Variants in ARHGAP6 observed in about 807,000 individuals in gnomAD.
The protein encoded by ARHGAP6 is rho GTPase-activating protein 6.
ARHGAP6 carries 16 observed loss-of-function variants against 55.7 expected under a neutral mutation model. The ratio of observed to expected loss-of-function variants is 0.29; its 90% CI spans 0.19 to 0.44. The LOEUF (loss-of-function observed/expected upper bound fraction) is 0.44, where lower values mean the gene tolerates loss of function less well. Among genes scored for constraint, ARHGAP6 ranks in the 20% least tolerant of loss-of-function variants. The probability of loss-of-function intolerance (pLI) is 1.00; values close to 1 mark genes in which losing one functional copy is unlikely to be tolerated. For missense variants in ARHGAP6, 698 were observed against 808.9 expected (o/e 0.86, Z 1.66); for synonymous variants, 382 against 360.9 (o/e 1.06, Z -0.66).
chrX:11,637,541 C>G (rs2052431709), intron 1 of ARHGAP6, among the ~76,000 whole-genome samples: 2 of 111,313 alleles, frequency 1.8e-5, no homozygotes, highest in African/African-American at 6.5e-5. Flanking sequence ...TATTTGCACT[C>G]CTATTCAAGA....
At chrX:11,287,355 G>C (rs1366534611) in intron 1 of ARHGAP6, among the ~76,000 whole-genome samples, 4 of 112,139 alleles carry the variant, frequency 3.6e-5, no homozygotes, top group African/African-American at 1.3e-4. Flanking sequence ...GCAAGTGGGT[G>C]AAGAGTGTCT....
intron 1 of ARHGAP6, among the ~76,000 whole-genome samples, chrX:11,358,404 C>T (rs1378633269): frequency 9.1e-6 from 1 of 109,396 alleles, no homozygotes; most frequent in Non-Finnish European, 1.9e-5. Flanking sequence ...GTTTCTGCGT[C>T]ATATGGTAGT....
chrX:11,209,063 C>G (rs1177218914), intron 2 of ARHGAP6, among the ~76,000 whole-genome samples: 1 of 111,717 alleles, frequency 9.0e-6, no homozygotes, highest in Non-Finnish European at 1.9e-5. Context: ...TTTATAATAC[C>G]CATGTAGAAT....
chrX:11,271,502 T>A (rs767450633), intron 1 of ARHGAP6, among the ~76,000 whole-genome samples: 1 of 106,582 alleles, frequency 9.4e-6, no homozygotes, highest in East Asian at 2.8e-4. Context: ...TCTTCTCTAA[T>A]GAGAAAGGAA....
At chrX:11,174,402 T>C (rs1386344882) in intron 8 of ARHGAP6, among the ~76,000 whole-genome samples, 1 of 111,622 alleles carries the variant, frequency 9.0e-6, no homozygotes, top group Non-Finnish European at 1.9e-5. Flanking sequence ...TTAGATGCCA[T>C]TGTATCCTGA....
intron 8 of ARHGAP6, among the ~76,000 whole-genome samples, chrX:11,170,760 A>G (rs1410998027): frequency 1.8e-5 from 2 of 111,346 alleles, no homozygotes; most frequent in African/African-American, 3.3e-5. Context: ...AAATGGAAGG[A>G]CAGTTAAGTG....
chrX:11,649,210 T>C (rs1468791332), intron 1 of ARHGAP6, among the ~76,000 whole-genome samples: 25 of 111,636 alleles, frequency 2.2e-4, no homozygotes, highest in Non-Finnish European at 7.5e-5. Flanking sequence ...AAGGGCCACA[T>C]GGAGGATCAC....
intron 10 of ARHGAP6, among the ~76,000 whole-genome samples, chrX:11,146,246 G>C (rs1169257228): frequency 8.9e-6 from 1 of 112,686 alleles, no homozygotes; most frequent in Non-Finnish European, 1.9e-5. Context: ...GGAAGTACCA[G>C]TGTAGTGTTC....
rs148473782 is a variant in ARHGAP6, at chrX:11,200,513, C to T, written c.749-3517G>A. 6.7e-3 allele frequency among the ~76,000 whole-genome samples: 753 copies of T among 112,583 alleles called. 2 individuals carry two copies. The highest frequency in any genetic ancestry group is 9.7e-3 in the Non-Finnish European group (518 of 53,302). On this transcript the variant is annotated intron_variant, in intron 2 of 12. Transcript: ENST00000337414. ...GGCATCCTCTTGGGAAAGACCAATA[C>T]CAAACAGTGTCTTCAGGACGGTCGA...
At chrX:11,389,448 G>C (rs192572836) in intron 1 of ARHGAP6, among the ~76,000 whole-genome samples, 2 of 112,291 alleles carry the variant, frequency 1.8e-5, no homozygotes, top group African/African-American at 6.5e-5. Flanking sequence ...AGAGATCAAG[G>C]ACTGGAGAAT....
chrX:11,453,507 G>A (rs1441708376), intron 1 of ARHGAP6, among the ~76,000 whole-genome samples: 1 of 108,680 alleles, frequency 9.2e-6, no homozygotes, highest in Non-Finnish European at 1.9e-5. Flanking sequence ...GTTTAAGGAT[G>A]GTGATGGGAG....
At chrX:11,292,117 G>C (rs371209107) in intron 1 of ARHGAP6, among the ~76,000 whole-genome samples, 4 of 111,684 alleles carry the variant, frequency 3.6e-5, no homozygotes, top group African/African-American at 1.3e-4. Flanking sequence ...GCTCAGACAG[G>C]CTAAGTAATT....
intron 1 of ARHGAP6, among the ~76,000 whole-genome samples, chrX:11,453,193 T>TATATATATATA (rs1474424979): frequency 9.0e-4 from 90 of 100,520 alleles, no homozygotes; most frequent in African/African-American, 2.8e-3. Context: ...TCTCTCTCTC[T>TATATATATATA]CTATATATAT....
chrX:11,557,961 C>T (rs1280463905), intron 1 of ARHGAP6, among the ~76,000 whole-genome samples: 1 of 111,683 alleles, frequency 9.0e-6, no homozygotes, highest in East Asian at 2.8e-4. Context: ...TAGACAGATA[C>T]GGTGAGTAGA....
intron 1 of ARHGAP6, among the ~76,000 whole-genome samples, chrX:11,594,023 C>A (rs1040746029): frequency 8.9e-6 from 1 of 112,524 alleles, no homozygotes; most frequent in Non-Finnish European, 1.9e-5. Context: ...CCTTGACATA[C>A]GGTTCCCTGC....
intron 1 of ARHGAP6, among the ~76,000 whole-genome samples, chrX:11,316,914 A>G: frequency 8.9e-6 from 1 of 112,792 alleles, no homozygotes; most frequent in Non-Finnish European, 1.9e-5. Flanking sequence ...AGGGCTGAAT[A>G]GTAATGATGC....
At chrX:11,583,161 C>G (rs2051685137) in intron 1 of ARHGAP6, among the ~76,000 whole-genome samples, 1 of 112,286 alleles carries the variant, frequency 8.9e-6, no homozygotes, top group Middle Eastern at 4.2e-3. Flanking sequence ...TTCACACTCT[C>G]AACTGCTACA....
intron 1 of ARHGAP6, among the ~76,000 whole-genome samples, chrX:11,395,572 C>T (rs891561569): frequency 8.9e-6 from 1 of 112,190 alleles, no homozygotes; most frequent in Non-Finnish European, 1.9e-5. Context: ...ACAACTGGTT[C>T]TCCAGCCAAC....
chrX:11,483,406 T>C lies in ARHGAP6; in HGVS notation c.588+180835A>G, dbSNP rs751578559. ...GATATAAAGAGAAGTCCACTGGGGG[T>C]TTTAGAGTAGAGATCTTCTATCCCC... On this transcript the variant is annotated intron_variant, in intron 1 of 12. Coordinates refer to ENST00000337414, the MANE Select transcript of ARHGAP6 (RefSeq NM_013427.3). 2.3e-4 allele frequency among the ~76,000 whole-genome samples: 25 copies of C among 110,680 alleles called. No homozygotes were observed. In the South Asian group the frequency reaches 9.8e-3, roughly 43 times the overall value.
Sources: allele counts gnomAD v4.1 joint callset (sites outside exome capture counted in the v4.1 genomes callset), GRCh38; gene constraint gnomAD v4.1.1; transcripts MANE v1.5; gene names NCBI Gene and HGNC (gene_info 2026-07-23, HGNC 2026-07-21).